PXDC1: variants seen among roughly 807,000 people sequenced by gnomAD.
The protein encoded by PXDC1 is PX domain-containing protein 1.
Under a neutral mutation model 24.4 loss-of-function variants are expected in PXDC1, and 13 were observed. That is an observed-to-expected ratio of 0.53 (90% CI 0.35 to 0.85). PXDC1 has a LOEUF of 0.85. PXDC1 is among the 40% of genes least tolerant of loss of function. The pLI, the probability that PXDC1 is intolerant of heterozygous loss-of-function variation, is 0.01. For synonymous variants in PXDC1, 162 were observed against 124.9 expected (o/e 1.30, Z -1.98); for missense variants, 344 against 309.3 (o/e 1.11, Z -0.84).
chr6:3,744,247 G>C (rs893090351), intron 1 of PXDC1, among the ~76,000 whole-genome samples: 42 of 152,252 alleles, frequency 2.8e-4, no homozygotes, highest in Non-Finnish European at 3.7e-4. Context: ...GCCCACTCAG[G>C]CAGGAAGGAA....
rs879579935 is a variant in PXDC1, at chr6:3,731,207, G to C, written c.467-3545C>G. Reference sequence around the variant, plus strand: ...CAGGCCCCCTAAACCTAAATAATCAGATTTTGTGGCTGAAATTGATGAGTC... The same window carrying C: ...CAGGCCCCCTAAACCTAAATAATCACATTTTGTGGCTGAAATTGATGAGTC... On this transcript the variant is annotated intron_variant, in intron 3 of 4. Coordinates refer to ENST00000380283, the MANE Select transcript of PXDC1 (RefSeq NM_183373.4). Among the ~76,000 whole-genome samples, 4 of 152,184 alleles carry C rather than the reference G, an allele frequency of 2.6e-5. No homozygotes were observed. The South Asian group carries it at 6.2e-4, about 24-fold the overall frequency.
At position 3,724,398 on chromosome 6, in the gene PXDC1, T is replaced by C. The variant is rs1233365435; in HGVS notation, c.579-662A>G. On this transcript the variant is annotated intron_variant, in intron 4 of 4. Coordinates refer to ENST00000380283, the MANE Select transcript of PXDC1 (RefSeq NM_183373.4). This position sits in a 1 kb window ranked among gnomAD's most constrained non-coding sequence, Gnocchi z 4.5. ...AAGGGGACGTAAAAGCCCGCGATAC[T>C]GACTCCCCACACACTGGAACTGTTT... 6.6e-6 allele frequency among the ~76,000 whole-genome samples: 1 copy of C among 152,140 alleles called. No individual in the cohort carries two copies. Among genetic ancestry groups the C allele is most frequent in the African/African-American group, 2.4e-5 (1 of 41,412 alleles).
At chr6:3,746,840 G>A (rs1354130352) in intron 1 of PXDC1, among the ~76,000 whole-genome samples, 2 of 152,148 alleles carry the variant, frequency 1.3e-5, no homozygotes, top group Admixed American at 6.5e-5. Flanking sequence ...AGCAGGTTCA[G>A]GCCCTGGGAT....
At chr6:3,745,133 GGTGGT>G (rs1416773649) in intron 1 of PXDC1, among the ~76,000 whole-genome samples, 1 of 152,228 alleles carries the variant, frequency 6.6e-6, no homozygotes, top group Non-Finnish European at 1.5e-5. Flanking sequence ...ACTGAAGTTC[GGTGGT>G]GACCTCCCTC....
chr6:3,742,991 C>T (rs528209142), intron 1 of PXDC1, among the ~76,000 whole-genome samples: 66 of 152,320 alleles, frequency 4.3e-4, no homozygotes, highest in South Asian at 2.1e-4. Context: ...CAGAACTGAA[C>T]GCGCTGGAGG....
intron 3 of PXDC1, among the ~76,000 whole-genome samples, chr6:3,732,362 T>G (rs1197413681): frequency 6.6e-6 from 1 of 152,248 alleles, no homozygotes; most frequent in Non-Finnish European, 1.5e-5. Flanking sequence ...ACTGGCTAGC[T>G]GGGCTACCCC....
intron 1 of PXDC1, chr6:3,751,044 C>T (rs1489086424): frequency 6.3e-6 from 3 of 474,948 alleles, no homozygotes; most frequent in Non-Finnish European, 1.1e-5. Context: ...CCTTTCCCGC[C>T]CCATTTGGCT....
At chr6:3,750,482 G>A (rs530828336) in intron 1 of PXDC1, among the ~76,000 whole-genome samples, 1 of 151,186 alleles carries the variant, frequency 6.6e-6, no homozygotes, top group Admixed American at 6.6e-5. Context: ...AATTCTTCCC[G>A]TCTCAATTCC....
At position 3,722,740 on chromosome 6, in the gene PXDC1, A is replaced by G. The variant is rs1759967790; in HGVS notation, c.*879T>C. ...TGTCGGTCGTTAGTAGACACTGAGC[A>G]GAGAAGCTTGAAGAACGGGGATCCT... On this transcript the variant is annotated 3_prime_UTR_variant, in exon 5 of 5. Coordinates refer to ENST00000380283, the MANE Select transcript of PXDC1 (RefSeq NM_183373.4). 1 of 152,694 alleles carries G rather than the reference A, an allele frequency of 6.5e-6. No individual in the cohort carries two copies. The highest frequency in any genetic ancestry group is 1.5e-5 in the Non-Finnish European group (1 of 68,056). The allele number at this position is 152,694 out of a possible 1,614,324, so 9.5% of individuals were successfully genotyped here. A position where few individuals can be genotyped will look rare whatever the true frequency, so the allele number is the denominator to read the frequency against.
intron 1 of PXDC1, among the ~76,000 whole-genome samples, chr6:3,740,315 C>T (rs937847798): frequency 3.9e-5 from 6 of 152,172 alleles, no homozygotes; most frequent in Non-Finnish European, 7.3e-5. Flanking sequence ...ATATATTCTG[C>T]GGTACACTGA....
At chr6:3,751,092 TCCCCGTC>T (rs1238788680) in intron 1 of PXDC1, 177 bp downstream of exon 1, 7 of 511,516 alleles carry the variant, frequency 1.4e-5, no homozygotes, top group Non-Finnish European at 2.0e-5. Flanking sequence ...GCAGGCTGGC[TCCCCGTC>T]CCCCTAACCC....
chr6:3,723,798 G>C, intron 4 of PXDC1, 62 bp from the exon 5 acceptor site: 1 of 1,310,106 alleles, frequency 7.6e-7, no homozygotes, highest in Non-Finnish European at 1.1e-6. Flanking sequence ...CCAAACACCC[G>C]CCGGGACCAT....
At chr6:3,743,258 C>T (rs1408534720) in intron 1 of PXDC1, among the ~76,000 whole-genome samples, 7 of 152,188 alleles carry the variant, frequency 4.6e-5, no homozygotes, top group African/African-American at 1.7e-4. Context: ...AGAGCGTCCA[C>T]TACCCAAAGA....
At chr6:3,747,804 T>C (rs988734580) in intron 1 of PXDC1, among the ~76,000 whole-genome samples, 3 of 152,246 alleles carry the variant, frequency 2.0e-5, no homozygotes, top group African/African-American at 7.2e-5. Flanking sequence ...CCAACCAGAA[T>C]ATAAGAATCA....
At chr6:3,751,212 G>C in intron 1 of PXDC1, 64 bp downstream of exon 1, 3 of 1,232,102 alleles carry the variant, frequency 2.4e-6, no homozygotes, top group Non-Finnish European at 2.1e-6. Context: ...TCTCTTCCCC[G>C]CCTCCTTCGT....
In PXDC1 at chr6:3,750,906, G is replaced by C. The variant is rs574591827; in HGVS notation, c.256+370C>G. On this transcript the variant is annotated intron_variant, in intron 1 of 4. Transcript: ENST00000380283. ...CCAGTGCGCCCGCCCGCCGGCCCTC[G>C]GGAGGTACCGGGCAGGGGGCTAGGG... Among the ~76,000 whole-genome samples the C allele has an allele frequency of 1.4e-3, 206 of 152,192 alleles. 4 individuals are homozygous for C. Among genetic ancestry groups the C allele is most frequent in the East Asian group, 7.8e-4 (4 of 5,154 alleles).
intron 1 of PXDC1, chr6:3,738,710 T>C: frequency 8.5e-7 from 1 of 1,170,874 alleles, no homozygotes; most frequent in Non-Finnish European, 1.1e-6. Context: ...CATGCCACTT[T>C]CCAGGAATCT....
chr6:3,743,749 A>AT (rs1421934671), intron 1 of PXDC1, among the ~76,000 whole-genome samples: 1 of 152,228 alleles, frequency 6.6e-6, no homozygotes, highest in Non-Finnish European at 1.5e-5. Flanking sequence ...GTCACGCAGT[A>AT]TAACTGTACA....
At chr6:3,729,982 C>A (rs1213777632) in intron 3 of PXDC1, among the ~76,000 whole-genome samples, 2 of 152,186 alleles carry the variant, frequency 1.3e-5, no homozygotes, top group African/African-American at 4.8e-5. Flanking sequence ...TTACCAGTCC[C>A]CCAAAAAATA....
Sources: allele counts gnomAD v4.1 joint callset (sites outside exome capture counted in the v4.1 genomes callset), GRCh38; gene constraint gnomAD v4.1.1; non-coding constraint Gnocchi (gnomAD v3.1); transcripts MANE v1.5; gene names NCBI Gene and HGNC (gene_info 2026-07-23, HGNC 2026-07-21).